PPP3R1: variants seen among roughly 807,000 people sequenced by gnomAD.
PPP3R1 encodes the protein protein phosphatase 3 regulatory subunit B, alpha.
In PPP3R1, 5 loss-of-function variants were observed where a neutral mutation model predicts 22.6. The ratio of observed to expected loss-of-function variants is 0.22; its 90% CI spans 0.12 to 0.46. The LOEUF is 0.46. PPP3R1 is among the 20% of genes least tolerant of loss of function. The pLI is 0.99. For missense variants in PPP3R1, 61 were observed against 203.2 expected (o/e 0.30, Z 4.25); for synonymous variants, 56 against 65.2 (o/e 0.86, Z 0.68).
In PPP3R1 at chr2:68,252,512, T is replaced by C. The variant is rs1670392600; in HGVS notation, c.-385A>G. On this transcript the variant is annotated 5_prime_UTR_variant, in exon 1 of 6. Coordinates refer to ENST00000234310, the MANE Select transcript of PPP3R1 (RefSeq NM_000945.4). ...ACGGACTCACTGCAGCGGCTCGCGCTGACCCGCAACCTCAAGGCACGAAAA... is the reference window on the plus strand; with the variant it reads ...ACGGACTCACTGCAGCGGCTCGCGCCGACCCGCAACCTCAAGGCACGAAAA... 8.8e-6 allele frequency: 8 copies of C among 911,768 alleles called. No individual in the cohort carries two copies. In the South Asian group the frequency reaches 2.1e-4, roughly 24 times the overall value. 56.5% of individuals were successfully genotyped at this position (911,768 alleles called of 1,614,324 possible).
chr2:68,233,108 G>C lies in PPP3R1; in HGVS notation c.4-15977C>G, dbSNP rs140559691. On this transcript the variant is annotated intron_variant, in intron 1 of 5. Transcript: ENST00000234310. ...TCTCTTGTAGAAAAATATTTCCTCA[G>C]TTACCACACAATTACTTTGGCTACG... 5.7e-3 allele frequency among the ~76,000 whole-genome samples: 863 copies of C among 152,124 alleles called. 5 individuals carry two copies. Among genetic ancestry groups the C allele is most frequent in the African/African-American group, 0.019 (788 of 41,462 alleles).
chr2:68,223,185 A>C (rs772662138), intron 1 of PPP3R1, among the ~76,000 whole-genome samples: 1 of 152,180 alleles, frequency 6.6e-6, no homozygotes, highest in Non-Finnish European at 1.5e-5. Flanking sequence ...ACTTAAGGTC[A>C]GGAGTTCAAG....
At chr2:68,224,147 A>G (rs1258153248) in intron 1 of PPP3R1, among the ~76,000 whole-genome samples, 1 of 152,200 alleles carries the variant, frequency 6.6e-6, no homozygotes. Context: ...AAACCCAGCT[A>G]TATTTGTTCA....
intron 2 of PPP3R1, among the ~76,000 whole-genome samples, chr2:68,197,173 C>CTA (rs1287245435): frequency 1.3e-5 from 2 of 152,202 alleles, no homozygotes; most frequent in African/African-American, 2.4e-5. Flanking sequence ...TCCATGACCC[C>CTA]TAAACACTCC....
chr2:68,189,347 T>A (rs1674613669), intron 2 of PPP3R1, among the ~76,000 whole-genome samples: 1 of 152,150 alleles, frequency 6.6e-6, no homozygotes, highest in Non-Finnish European at 1.5e-5. Flanking sequence ...AATTCACTTA[T>A]CAACACTTTA....
rs181881185 is a variant in PPP3R1, at chr2:68,213,234, A to G, written c.43+3858T>C. ...GCACAGGAGGCCTAGCTTTTGGCCT[A>G]TCTGGGCTTTTGACACACCTTCCTC... On this transcript the variant is annotated intron_variant, in intron 2 of 5. Coordinates refer to ENST00000234310, the MANE Select transcript of PPP3R1 (RefSeq NM_000945.4). 2.9e-4 allele frequency among the ~76,000 whole-genome samples: 44 copies of G among 152,342 alleles called. No individual in the cohort carries two copies. The East Asian group carries it at 8.1e-3, about 28-fold the overall frequency.
chr2:68,238,608 G>C (rs1670059193), intron 1 of PPP3R1, among the ~76,000 whole-genome samples: 2 of 152,114 alleles, frequency 1.3e-5, no homozygotes, highest in African/African-American at 2.4e-5. Context: ...ATTGACATAA[G>C]ATTTCCTCAT....
chr2:68,198,283 A>T (rs1399671943), intron 2 of PPP3R1, among the ~76,000 whole-genome samples: 1 of 145,544 alleles, frequency 6.9e-6, no homozygotes, highest in Non-Finnish European at 1.5e-5. Flanking sequence ...GTATGCATGT[A>T]TGTGTATACA....
Position 68,252,517 on chromosome 2 carries a change from C to G in PPP3R1, c.-390G>C, listed in dbSNP as rs557120289. On this transcript the variant is annotated 5_prime_UTR_variant, in exon 1 of 6. Coordinates refer to ENST00000234310, the MANE Select transcript of PPP3R1 (RefSeq NM_000945.4). ...CTCACTGCAGCGGCTCGCGCTGACC[C>G]GCAACCTCAAGGCACGAAAAAAGGG... is the stretch of plus-strand genomic sequence containing the variant. 4 of 912,324 alleles carry G rather than the reference C, an allele frequency of 4.4e-6. No individual in the cohort carries two copies. The highest frequency in any genetic ancestry group is 3.3e-5 in the African/African-American group (1 of 30,290). 56.5% of individuals were successfully genotyped at this position (912,324 alleles called of 1,614,324 possible). A position where few individuals can be genotyped will look rare whatever the true frequency, so the allele number is the denominator to read the frequency against.
chr2:68,237,600 G>A (rs1670042721), intron 1 of PPP3R1, among the ~76,000 whole-genome samples: 1 of 152,094 alleles, frequency 6.6e-6, no homozygotes, highest in Non-Finnish European at 1.5e-5. Flanking sequence ...CAAAACAGCT[G>A]CTACATGTTA....
rs78588470 is a variant in PPP3R1, at chr2:68,236,826, T to C, written c.3+15299A>G. The stretch of plus-strand genomic sequence containing the variant: ...GCCTTTTTCTAGTATGCAAGAGCCA[T>C]TGAGATACAATGAGACCTAAGGAAA... On this transcript the variant is annotated intron_variant, in intron 1 of 5. Transcript: ENST00000234310. Among the ~76,000 whole-genome samples, 1,083 of 152,168 alleles carry C rather than the reference T, an allele frequency of 7.1e-3. 9 individuals carry two copies. Among genetic ancestry groups the C allele is most frequent in the East Asian group, 0.03 (153 of 5,178 alleles).
chr2:68,249,350 T>C (rs183105925), intron 1 of PPP3R1, among the ~76,000 whole-genome samples: 6 of 152,296 alleles, frequency 3.9e-5, no homozygotes, highest in Admixed American at 2.0e-4. Flanking sequence ...AACTAGAATA[T>C]GTTGTGTAAA....
chr2:68,245,109 G>A (rs1345207446), intron 1 of PPP3R1, among the ~76,000 whole-genome samples: 1 of 152,076 alleles, frequency 6.6e-6, no homozygotes, highest in Non-Finnish European at 1.5e-5. Flanking sequence ...GGTGGTTCAC[G>A]ACTGTAATCC....
rs1043518521 is a variant in PPP3R1 at position 68,203,836 on chromosome 2, C to T, written c.43+13256G>A. On this transcript the variant is annotated intron_variant, in intron 2 of 5. Transcript: ENST00000234310. ...ACTAAAAACAGAAACAGCGTTCTAACGGCTAGAAGGGTTTCTACTGGCAGT... is the reference window on the plus strand; with the variant it reads ...ACTAAAAACAGAAACAGCGTTCTAATGGCTAGAAGGGTTTCTACTGGCAGT... Among the ~76,000 whole-genome samples the T allele has an allele frequency of 1.6e-4, 25 of 152,262 alleles. 1 individual carries two copies. Among genetic ancestry groups the T allele is most frequent in the African/African-American group, 5.5e-4 (23 of 41,558 alleles).
intron 1 of PPP3R1, among the ~76,000 whole-genome samples, chr2:68,238,592 G>A (rs1670058942): frequency 6.6e-6 from 1 of 152,146 alleles, no homozygotes; most frequent in African/African-American, 2.4e-5. Flanking sequence ...ACTTTCAAAT[G>A]AAAGCATTGA....
At chr2:68,223,514 T>G (rs991625972) in intron 1 of PPP3R1, among the ~76,000 whole-genome samples, 3 of 152,088 alleles carry the variant, frequency 2.0e-5, no homozygotes, top group Non-Finnish European at 4.4e-5. Flanking sequence ...TGACTGAGGA[T>G]TATTCCAGCA....
intron 2 of PPP3R1, among the ~76,000 whole-genome samples, chr2:68,211,511 G>T (rs79272503): frequency 2.6e-5 from 4 of 151,566 alleles, no homozygotes; most frequent in African/African-American, 7.3e-5. Flanking sequence ...CTTCAATGTT[G>T]ATGGCCACGG....
intron 2 of PPP3R1, among the ~76,000 whole-genome samples, chr2:68,205,242 CTTTTTTTTT>C (rs397984912): frequency 1.6e-5 from 2 of 123,486 alleles, no homozygotes; most frequent in Non-Finnish European, 3.3e-5. Flanking sequence ...TCAGTATTAT[CTTTTTTTTT>C]TTTTTTTTTT....
At chr2:68,223,353 G>A (rs1034244451) in intron 1 of PPP3R1, among the ~76,000 whole-genome samples, 1 of 152,140 alleles carries the variant, frequency 6.6e-6, no homozygotes, top group South Asian at 2.1e-4. Flanking sequence ...CTGAGATCAC[G>A]CCACTACACT....
Sources: allele counts gnomAD v4.1 joint callset (sites outside exome capture counted in the v4.1 genomes callset), GRCh38; gene constraint gnomAD v4.1.1; transcripts MANE v1.5; gene names NCBI Gene and HGNC (gene_info 2026-07-23, HGNC 2026-07-21).